ADD3: variants seen among roughly 807,000 people sequenced by gnomAD.
ADD3 encodes the protein gamma-adducin.
ADD3 carries 25 observed loss-of-function variants against 80.2 expected under a neutral mutation model. The observed-to-expected ratio is 0.31, with a 90% CI of 0.23 to 0.44. The LOEUF (loss-of-function observed/expected upper bound fraction) is 0.44. ADD3 is among the 20% of genes least tolerant of loss of function. The probability of loss-of-function intolerance (pLI) is 1.00; values close to 1 mark genes in which losing one functional copy is unlikely to be tolerated. For synonymous variants in ADD3, 284 were observed against 289.6 expected, an observed-to-expected ratio of 0.98 and a Z score of 0.20; for missense variants, 829 against 847.5, an observed-to-expected ratio of 0.98 and a Z score of 0.27.
At chr10:110,051,702 A>G (rs531559216) in intron 1 of ADD3, among the ~76,000 whole-genome samples, 2 of 152,392 alleles carry the variant, frequency 1.3e-5, no homozygotes, top group East Asian at 3.8e-4. Context: ...ATGCATAGAA[A>G]GAATCACAGG....
chr10:110,130,055 C>T (rs765375281), intron 12 of ADD3, among the ~76,000 whole-genome samples: 6 of 151,984 alleles, frequency 3.9e-5, no homozygotes, highest in Non-Finnish European at 8.8e-5. Context: ...TTGTTTTTTT[C>T]AAGTTTTTTT....
At chr10:110,126,550 A>G (rs544989929) in intron 12 of ADD3, 47 bp downstream of exon 12, 1 of 1,283,556 alleles carries the variant, frequency 7.8e-7, no homozygotes, top group Admixed American at 1.9e-5. Flanking sequence ...TTACCACATT[A>G]ATTTCATTGA....
chr10:110,115,102 G>C (rs900930659), intron 3 of ADD3, among the ~76,000 whole-genome samples: 5 of 145,034 alleles, frequency 3.4e-5, no homozygotes, highest in Non-Finnish European at 7.5e-5. Context: ...AAAAAAAAAA[G>C]GGTGGGGCCA....
chr10:110,045,817 A>G (rs1047571581), intron 1 of ADD3, among the ~76,000 whole-genome samples: 1 of 152,236 alleles, frequency 6.6e-6, no homozygotes, highest in African/African-American at 2.4e-5. Flanking sequence ...ATAGCTGCAT[A>G]TAATTAACTC....
intron 1 of ADD3, among the ~76,000 whole-genome samples, chr10:110,091,487 C>G (rs1012346955): frequency 6.6e-6 from 1 of 152,182 alleles, no homozygotes; most frequent in Non-Finnish European, 1.5e-5. Context: ...CACACACATA[C>G]AACCATCTGA....
intron 10 of ADD3, among the ~76,000 whole-genome samples, chr10:110,125,396 G>T (rs1425679122): frequency 6.6e-6 from 1 of 151,454 alleles, no homozygotes; most frequent in East Asian, 1.9e-4. Context: ...AAAAAGTGAA[G>T]TCTGATAAAC....
At chr10:110,128,789 TTCTC>T (rs1852540770) in intron 12 of ADD3, among the ~76,000 whole-genome samples, 1 of 152,216 alleles carries the variant, frequency 6.6e-6, no homozygotes, top group South Asian at 2.1e-4. Context: ...TCTTTACACT[TTCTC>T]TTATTGCTCT....
chr10:110,028,756 A>C (rs925760797), intron 1 of ADD3, among the ~76,000 whole-genome samples: 1 of 152,122 alleles, frequency 6.6e-6, no homozygotes, highest in Non-Finnish European at 1.5e-5. Flanking sequence ...AGTTTTGCTA[A>C]TTTTATTTCC....
At chr10:110,098,092 G>A (rs577617076) in intron 1 of ADD3, among the ~76,000 whole-genome samples, 1 of 152,162 alleles carries the variant, frequency 6.6e-6, no homozygotes, top group African/African-American at 2.4e-5. Context: ...TATTTTTCAT[G>A]ACCTTGACAT....
chr10:109,997,665 T>C (rs761900092), intron 1 of ADD3: 1 of 152,262 alleles, frequency 6.6e-6, no homozygotes, highest in Non-Finnish European at 1.5e-5. Context: ...GATTTGACTA[T>C]ATTTGGGAAT....
chr10:110,127,794 C>T (rs1852368820), intron 12 of ADD3, among the ~76,000 whole-genome samples: 1 of 152,104 alleles, frequency 6.6e-6, no homozygotes, highest in African/African-American at 2.4e-5. Flanking sequence ...TATTGTATTC[C>T]GTTTCCTGTA....
intron 10 of ADD3, 55 bp from the exon 11 acceptor site, chr10:110,125,771 C>T: frequency 7.3e-7 from 1 of 1,379,220 alleles, no homozygotes; most frequent in South Asian, 1.4e-5. Flanking sequence ...ATCTAACAAT[C>T]TACTAATATT....
At chr10:110,079,048 C>A (rs1445656444) in intron 1 of ADD3, among the ~76,000 whole-genome samples, 2 of 152,016 alleles carry the variant, frequency 1.3e-5, no homozygotes, top group Non-Finnish European at 2.9e-5. Flanking sequence ...CAGTCTCCTC[C>A]TTTTTACTCC....
intron 1 of ADD3, among the ~76,000 whole-genome samples, chr10:110,085,021 T>G (rs538595536): frequency 2.2e-4 from 34 of 152,326 alleles, no homozygotes; most frequent in African/African-American, 7.7e-4. Flanking sequence ...GGTTGTTGTC[T>G]CTTTATCTTC....
intron 1 of ADD3, among the ~76,000 whole-genome samples, chr10:110,044,313 G>C (rs140563103): frequency 2.0e-5 from 3 of 152,132 alleles, no homozygotes; most frequent in East Asian, 1.9e-4. Context: ...AGAATTTGTC[G>C]CTTTATATTA....
chr10:110,063,613 G>A (rs539230264), intron 1 of ADD3, among the ~76,000 whole-genome samples: 1 of 150,042 alleles, frequency 6.7e-6, no homozygotes, highest in Admixed American at 6.6e-5. Context: ...AAGAGGGGAG[G>A]CTTTTCTTTC....
intron 13 of ADD3, among the ~76,000 whole-genome samples, chr10:110,130,855 CAAA>C (rs1256813480): frequency 1.1e-5 from 1 of 90,124 alleles, no homozygotes; most frequent in Non-Finnish European, 2.3e-5. Context: ...GACTCCGTCT[CAAA>C]AAAAAAAAAA....
chr10:110,107,843 G>A (rs1849566896), intron 2 of ADD3, among the ~76,000 whole-genome samples: 1 of 152,090 alleles, frequency 6.6e-6, no homozygotes, highest in South Asian at 2.1e-4. Context: ...AGTACATTAT[G>A]CTTTTGTGGC....
chr10:110,065,766 C>T (rs1313737534), intron 1 of ADD3, among the ~76,000 whole-genome samples: 2 of 151,366 alleles, frequency 1.3e-5, no homozygotes, highest in East Asian at 3.9e-4. Flanking sequence ...TCTCGAACTC[C>T]TGACCTTAAA....
Sources: allele counts gnomAD v4.1 joint callset (sites outside exome capture counted in the v4.1 genomes callset), GRCh38; gene constraint gnomAD v4.1.1; transcripts MANE v1.5; gene names NCBI Gene and HGNC (gene_info 2026-07-23, HGNC 2026-07-21).